Variants in CPNE8 observed in about 807,000 individuals in gnomAD.
CPNE8 encodes copine 8.
CPNE8 carries 45 observed loss-of-function variants against 81.5 expected under a neutral mutation model. The observed-to-expected ratio is 0.55, with a 90% CI of 0.44 to 0.71. The LOEUF (loss-of-function observed/expected upper bound fraction) is 0.71, where lower values mean the gene tolerates loss of function less well. CPNE8 is among the 30% of genes least tolerant of loss of function. The pLI, the probability that CPNE8 is intolerant of heterozygous loss-of-function variation, is 0.00. For missense variants in CPNE8, 594 were observed against 672.1 expected, an observed-to-expected ratio of 0.88 and a Z score of 1.28; for synonymous variants, 252 against 226.3, an observed-to-expected ratio of 1.11 and a Z score of -1.02.
chr12:38,686,349 G>GA (rs1263310451), intron 15 of CPNE8, among the ~76,000 whole-genome samples: 1 of 152,168 alleles, frequency 6.6e-6, no homozygotes, highest in Non-Finnish European at 1.5e-5. Context: ...ACAGCGCCCA[G>GA]AAAGGCAACT....
chr12:38,731,620 T>C (rs561304028), intron 10 of CPNE8, among the ~76,000 whole-genome samples: 2 of 152,036 alleles, frequency 1.3e-5, no homozygotes, highest in East Asian at 3.9e-4. Context: ...ATCAATAGCA[T>C]TTTGACCTCT....
intron 19 of CPNE8, among the ~76,000 whole-genome samples, chr12:38,661,571 C>T (rs371151913): frequency 3.0e-4 from 46 of 152,010 alleles, no homozygotes; most frequent in South Asian, 1.0e-3. Flanking sequence ...CAAACCTGCA[C>T]GTTGTACCCT....
upstream of CPNE8, chr12:38,906,071 G>C: frequency 1.0e-6 from 1 of 986,598 alleles, no homozygotes; most frequent in Non-Finnish European, 1.2e-6. Context: ...TTGAAAGCTG[G>C]AGGTGGGGGC....
intron 13 of CPNE8, among the ~76,000 whole-genome samples, chr12:38,710,268 C>A (rs370790561): frequency 2.5e-3 from 124 of 50,252 alleles, no homozygotes; most frequent in East Asian, 9.8e-3. Flanking sequence ...AATAAGCTAA[C>A]AAAAAAAAAA....
chr12:38,753,919 C>A (rs927175391), intron 10 of CPNE8, among the ~76,000 whole-genome samples: 12 of 152,118 alleles, frequency 7.9e-5, no homozygotes, highest in Admixed American at 7.9e-4. Context: ...TGGTTTCAGG[C>A]ATCCACTGGG....
chr12:38,791,552 T>C (rs1449254098), intron 6 of CPNE8, among the ~76,000 whole-genome samples: 3 of 151,764 alleles, frequency 2.0e-5, no homozygotes, highest in Non-Finnish European at 3.0e-5. Flanking sequence ...TAGTTTATTA[T>C]TTAGAATGTG....
chr12:38,814,504 A>G (rs994253405), intron 6 of CPNE8, among the ~76,000 whole-genome samples: 3 of 151,662 alleles, frequency 2.0e-5, no homozygotes, highest in African/African-American at 7.3e-5. Flanking sequence ...GGTATTTTTA[A>G]TAGAAACGGG....
At chr12:38,761,110 A>T (rs1314770747) in intron 9 of CPNE8, among the ~76,000 whole-genome samples, 1 of 152,208 alleles carries the variant, frequency 6.6e-6, no homozygotes, top group Non-Finnish European at 1.5e-5. Flanking sequence ...GAGAGTAAGG[A>T]GAGTCTACAG....
At chr12:38,797,194 G>A (rs1338240886) in intron 6 of CPNE8, among the ~76,000 whole-genome samples, 1 of 152,192 alleles carries the variant, frequency 6.6e-6, no homozygotes, top group Non-Finnish European at 1.5e-5. Flanking sequence ...GAACAGAGCA[G>A]TGGTTCTCCC....
At chr12:38,697,349 T>G (rs2136679886) in intron 14 of CPNE8, among the ~76,000 whole-genome samples, 1 of 152,300 alleles carries the variant, frequency 6.6e-6, no homozygotes, top group South Asian at 2.1e-4. Flanking sequence ...CATGTATTAG[T>G]GCTTTATTTT....
chr12:38,888,396 G>GT (rs1944265534), intron 1 of CPNE8, among the ~76,000 whole-genome samples: 1 of 152,182 alleles, frequency 6.6e-6, no homozygotes, highest in African/African-American at 2.4e-5. Context: ...GCTTGTAAAG[G>GT]TAAGGCTAGA....
At chr12:38,865,590 T>C (rs1187608866) in intron 3 of CPNE8, among the ~76,000 whole-genome samples, 1 of 152,154 alleles carries the variant, frequency 6.6e-6, no homozygotes, top group Non-Finnish European at 1.5e-5. Context: ...GAAATCAGAA[T>C]GGTAGTTCAA....
At chr12:38,728,329 G>A (rs536132724) in intron 11 of CPNE8, among the ~76,000 whole-genome samples, 5 of 152,094 alleles carry the variant, frequency 3.3e-5, no homozygotes, top group South Asian at 2.1e-4. Context: ...GAAATCATGC[G>A]TAAAGGATGA....
intron 1 of CPNE8, among the ~76,000 whole-genome samples, chr12:38,889,849 T>A (rs948685465): frequency 4.6e-5 from 7 of 152,214 alleles, no homozygotes; most frequent in Admixed American, 1.3e-4. Context: ...GAGGCTCAAC[T>A]GACAGAAGTT....
chr12:38,758,363 G>T (rs1344207893), intron 10 of CPNE8, among the ~76,000 whole-genome samples: 1 of 151,948 alleles, frequency 6.6e-6, no homozygotes, highest in East Asian at 1.9e-4. Flanking sequence ...TACAATTTCA[G>T]ATAATAAAAA....
intron 6 of CPNE8, among the ~76,000 whole-genome samples, chr12:38,777,748 T>G (rs1941965210): frequency 6.6e-6 from 1 of 152,200 alleles, no homozygotes; most frequent in Admixed American, 6.5e-5. Context: ...TTATACCATA[T>G]AGCCTAGGTA....
intron 13 of CPNE8, among the ~76,000 whole-genome samples, chr12:38,711,101 T>C (rs1048810108): frequency 6.6e-6 from 1 of 152,218 alleles, no homozygotes; most frequent in Non-Finnish European, 1.5e-5. Flanking sequence ...AAAAGTTATA[T>C]GTTTCAAGAG....
chr12:38,783,346 C>A (rs1942097170), intron 6 of CPNE8, among the ~76,000 whole-genome samples: 1 of 152,152 alleles, frequency 6.6e-6, no homozygotes, highest in Non-Finnish European at 1.5e-5. Context: ...CTGGCTTTAA[C>A]TTCATATCAT....
chr12:38,819,116 G>C (rs949147026), intron 6 of CPNE8, among the ~76,000 whole-genome samples: 3 of 152,108 alleles, frequency 2.0e-5, no homozygotes, highest in Non-Finnish European at 4.4e-5. Context: ...TTATTTTGCT[G>C]TGCAGAAGCT....
Sources: gnomAD v4.1 joint callset for allele counts (sites outside exome capture counted in the v4.1 genomes callset) on GRCh38, gnomAD v4.1.1 for gene constraint, MANE v1.5 for transcripts, NCBI Gene and HGNC (gene_info 2026-07-23, HGNC 2026-07-21) for gene names.